The following CFLAR variants were observed in gnomAD, a reference collection of about 807,000 sequenced individuals.
CFLAR encodes CASP8 and FADD-like apoptosis regulator.
A neutral mutation model predicts 51.1 loss-of-function variants in CFLAR; 14 were observed. The ratio of observed to expected loss-of-function variants is 0.27; its 90% CI spans 0.18 to 0.43. The LOEUF (loss-of-function observed/expected upper bound fraction) is 0.43, where lower values mean the gene tolerates loss of function less well. Among genes scored for constraint, CFLAR ranks in the 20% least tolerant of loss-of-function variants. The pLI is 1.00. For synonymous variants in CFLAR, 210 were observed against 211.6 expected, an observed-to-expected ratio of 0.99 and a Z score of 0.06; for missense variants, 390 against 566.5, an observed-to-expected ratio of 0.69 and a Z score of 3.16.
intron 1 of CFLAR, among the ~76,000 whole-genome samples, chr2:201,127,776 T>G (rs1403630092): frequency 6.6e-6 from 1 of 152,184 alleles, no homozygotes; most frequent in Non-Finnish European, 1.5e-5. Flanking sequence ...TACCACTGAG[T>G]AATCTAGATT....
At position 201,144,882 on chromosome 2, in the gene CFLAR, C is replaced by T. The variant is rs534682610; in HGVS notation, c.607-496C>T. 2.6e-5 allele frequency among the ~76,000 whole-genome samples: 4 copies of T among 151,950 alleles called. No homozygotes were observed. In the South Asian group the frequency reaches 8.3e-4, roughly 32 times the overall value. On this transcript the variant is annotated intron_variant, in intron 5 of 9. Coordinates refer to ENST00000309955, the MANE Select transcript of CFLAR (RefSeq NM_003879.7). ...ATTTTTGTGACAGAGTTTCACTTTT[C>T]ACTCTTGTCGCCCAGGCTGGAGTGC... is the stretch of plus-strand genomic sequence containing the variant.
At chr2:201,129,680 C>T (rs2049053736) in intron 1 of CFLAR, 49 bp from the exon 2 acceptor site, 1 of 578,594 alleles carries the variant, frequency 1.7e-6, no homozygotes, top group South Asian at 2.5e-5. Context: ...CAATCTTAGG[C>T]ATAAGTTAGC....
At chr2:201,154,112 A>G (rs1941759104) in intron 8 of CFLAR, 1 of 296,842 alleles carries the variant, frequency 3.4e-6, no homozygotes, top group South Asian at 2.6e-5. Context: ...TATTTTTAAG[A>G]CGGAGTTTCC....
At chr2:201,159,714 T>A (rs1575941102) in intron 8 of CFLAR, among the ~76,000 whole-genome samples, 1 of 152,368 alleles carries the variant, frequency 6.6e-6, no homozygotes, top group South Asian at 2.1e-4. Context: ...TGGTGAATTA[T>A]TTACCTAAAA....
intron 6 of CFLAR, among the ~76,000 whole-genome samples, chr2:201,147,065 A>C (rs1940333103): frequency 6.6e-6 from 1 of 152,240 alleles, no homozygotes; most frequent in South Asian, 2.1e-4. Flanking sequence ...GTAGATTTGC[A>C]TAGGAATTAA....
chr2:201,160,943 G>A lies in CFLAR; in HGVS notation c.1304+1G>A. ...TCTCCCAGAAACTGAGACAAGAAAG[G>A]TGAGCCCCCAGGAGGTGGTCAGTTC... On this transcript the variant is annotated splice_donor_variant, in intron 9 of 9. Coordinates refer to ENST00000309955, the MANE Select transcript of CFLAR (RefSeq NM_003879.7). LOFTEE classifies it high-confidence loss of function. 6.2e-7 allele frequency: 1 copy of A among 1,610,228 alleles called. No homozygotes were observed. The highest frequency in any genetic ancestry group is 8.5e-7 in the Non-Finnish European group (1 of 1,176,912).
Position 201,130,106 on chromosome 2 carries a change from A to T in CFLAR, c.241A>T (p.Thr81Ser). The T allele has an allele frequency of 1.5e-6, 2 of 1,331,190 alleles. No homozygotes were observed. The highest frequency in any genetic ancestry group is 2.0e-6 in the Non-Finnish European group (2 of 1,010,000). 82.5% of individuals were successfully genotyped at this position (1,331,190 alleles called of 1,614,324 possible). A position where few individuals can be genotyped will look rare whatever the true frequency, so the allele number is the denominator to read the frequency against. The change falls in exon 2 of 10, where the codon ACC becomes TCC. Residue 81 changes from threonine (T) to serine (S), a missense_variant. Physicochemically the swap from Thr to Ser is moderately conservative, Grantham distance 58. This residue lies in a region of CFLAR where 103 missense variants were observed against 202.9 expected (regional missense o/e 0.51). Transcript: ENST00000309955. ...GAAGATGGACAGAAAAGCTGTGGAG[A>T]CCCACCTGCTCAGGAACCCTCACCT... Reference protein sequence around the residue: ...ILKMDRKAVETHLLRNPHLVS... With the variant: ...ILKMDRKAVESHLLRNPHLVS...
In CFLAR at chr2:201,149,754, A is replaced by G; in HGVS notation, c.712A>G (p.Ser238Gly). The change falls in exon 8 of 10, where the codon AGC becomes GGC. Residue 238 changes from serine to glycine, a missense_variant and splice_region_variant. This residue lies in a region of CFLAR where 287 missense variants were observed against 363.6 expected (regional missense o/e 0.79). Transcript: ENST00000309955. ...TAGCATTTCTTGTCTTCCTTTCCAG[A>G]GCATACCTGAAGAGAGATACAAGAT... is the stretch of plus-strand genomic sequence containing the variant. The part of the protein sequence containing the change: ...IQESEAFLPQ[S>G]IPEERYKMKS... 6.2e-7 allele frequency: 1 copy of G among 1,611,252 alleles called. No homozygotes were observed. The highest frequency in any genetic ancestry group is 8.5e-7 in the Non-Finnish European group (1 of 1,177,514).
chr2:201,147,882 T>TA (rs761448771), intron 6 of CFLAR: 1 of 152,014 alleles, frequency 6.6e-6, no homozygotes, highest in Non-Finnish European at 1.5e-5. Context: ...AATAAATAAA[T>TA]AATAATAATC....
rs1001919812 is a variant in CFLAR, at chr2:201,166,977, G to A, written c.*3004G>A. 4.7e-4 allele frequency: 72 copies of A among 152,092 alleles called. No homozygotes were observed. Among genetic ancestry groups the A allele is most frequent in the African/African-American group, 1.6e-3 (67 of 41,480 alleles). 9.4% of individuals were successfully genotyped at this position (152,092 alleles called of 1,614,324 possible). A position where few individuals can be genotyped will look rare whatever the true frequency, so the allele number is the denominator to read the frequency against. ...GGGGAGAGGGAGAAGAGAGGGAGGG[G>A]GAGAGGGCTATTTTTAAAATTTTTT... On this transcript the variant is annotated 3_prime_UTR_variant, in exon 10 of 10. Coordinates refer to ENST00000309955, the MANE Select transcript of CFLAR (RefSeq NM_003879.7).
In CFLAR at chr2:201,138,086, T is replaced by G; in HGVS notation, c.523+1979T>G. The G allele has an allele frequency of 2.7e-6, 2 of 741,680 alleles. No homozygotes were observed. The highest frequency in any genetic ancestry group is 3.6e-5 in the Admixed American group (2 of 56,140). The allele number at this position is 741,680 out of a possible 1,614,324, so 45.9% of individuals were successfully genotyped here. ...GGTTGATGTAGATGGAGCCGCGCAG[T>G]CCATGCCCCTGCCCAGCCCATCCAC... On this transcript the variant is annotated intron_variant, in intron 4 of 9. Transcript: ENST00000309955. This position sits in a 1 kb window ranked among gnomAD's most constrained non-coding sequence, Gnocchi z 4.0.
chr2:201,147,632 G>A (rs1940471251), intron 6 of CFLAR: 1 of 152,202 alleles, frequency 6.6e-6, no homozygotes, highest in Admixed American at 6.6e-5. Context: ...CACTTTGGGA[G>A]GCCGAGACAG....
At chr2:201,159,812 C>T (rs1401575251) in intron 8 of CFLAR, among the ~76,000 whole-genome samples, 1 of 152,158 alleles carries the variant, frequency 6.6e-6, no homozygotes, top group Non-Finnish European at 1.5e-5. Context: ...TAATTATATC[C>T]TCACCTGTGG....
In CFLAR at chr2:201,166,497, G is replaced by A. The variant is rs1018149700; in HGVS notation, c.*2524G>A. On this transcript the variant is annotated 3_prime_UTR_variant, in exon 10 of 10. Transcript: ENST00000309955. The stretch of plus-strand genomic sequence containing the variant: ...ATCCCAGACGGGGGGGCGGGGCAGA[G>A]GCGCTCCCCACATCTCAGACGATGG... The A allele has an allele frequency of 1.7e-5, 3 of 179,106 alleles. No individual in the cohort carries two copies. The highest frequency in any genetic ancestry group is 2.4e-5 in the Non-Finnish European group (2 of 84,212). 11.1% of individuals were successfully genotyped at this position (179,106 alleles called of 1,614,324 possible). A position where few individuals can be genotyped will look rare whatever the true frequency, so the allele number is the denominator to read the frequency against.
Position 201,133,104 on chromosome 2 carries a change from C to T in CFLAR, c.357C>T (p.Tyr119=). Residue 119 remains tyrosine, a synonymous_variant, in exon 3 of 10, where the codon TAC becomes TAT. Transcript: ENST00000309955. The part of the protein sequence containing the change: ...VSSLIFLMKD[Y]MGRGKISKEK... Reference sequence around the variant, plus strand: ...CATTAATTTTCCTCATGAAGGATTACATGGGCCGAGGCAAGATAAGCAAGG... The same window carrying T: ...CATTAATTTTCCTCATGAAGGATTATATGGGCCGAGGCAAGATAAGCAAGG... The T allele has an allele frequency of 1.2e-6, 2 of 1,613,276 alleles. No homozygotes were observed. The highest frequency in any genetic ancestry group is 1.7e-6 in the Non-Finnish European group (2 of 1,179,214).
Position 201,138,456 on chromosome 2 carries a change from C to T in CFLAR, c.524-1901C>T, listed in dbSNP as rs924066885. ...GGCAGCTTCCTTTCTTACTAAGCTGCAGGATCTCATTTGCCTCTTTCAACC... is the reference window on the plus strand; with the variant it reads ...GGCAGCTTCCTTTCTTACTAAGCTGTAGGATCTCATTTGCCTCTTTCAACC... On this transcript the variant is annotated intron_variant, in intron 4 of 9. Transcript: ENST00000309955. This position sits in a 1 kb window ranked among gnomAD's most constrained non-coding sequence, Gnocchi z 4.0. The T allele has an allele frequency of 1.1e-6, 1 of 880,742 alleles. No homozygotes were observed. 54.6% of individuals were successfully genotyped at this position (880,742 alleles called of 1,614,324 possible). A position where few individuals can be genotyped will look rare whatever the true frequency, so the allele number is the denominator to read the frequency against.
chr2:201,160,653 A>C lies in CFLAR; in HGVS notation c.1015A>C (p.Met339Leu). 1.9e-6 allele frequency: 3 copies of C among 1,614,086 alleles called. No homozygotes were observed. Among genetic ancestry groups the C allele is most frequent in the Non-Finnish European group, 1.7e-6 (2 of 1,180,016 alleles). ...GCTCCCCCTGCATCACATCAGGAGGATGTTCATGGGAGATTCATGCCCTTA... is the reference window on the plus strand; with the variant it reads ...GCTCCCCCTGCATCACATCAGGAGGCTGTTCATGGGAGATTCATGCCCTTA... Reference protein sequence around the residue: ...SGLPLHHIRRMFMGDSCPYLA... With the variant: ...SGLPLHHIRRLFMGDSCPYLA... The change falls in exon 9 of 10, where the codon ATG becomes CTG. Residue 339 changes from methionine to leucine, a missense_variant. This residue lies in a region of CFLAR where 287 missense variants were observed against 363.6 expected (regional missense o/e 0.79). Transcript: ENST00000309955.
chr2:201,140,417 A>G lies in CFLAR; in HGVS notation c.584A>G (p.Lys195Arg). 6 of 1,607,732 alleles carry G rather than the reference A, an allele frequency of 3.7e-6. No individual in the cohort carries two copies. The highest frequency in any genetic ancestry group is 5.1e-6 in the Non-Finnish European group (6 of 1,178,458). The change falls in exon 5 of 10, where the codon AAG becomes AGG. Residue 195 changes from lysine to arginine, a missense_variant. By Grantham distance (26) the Lys-to-Arg change is conservative. Around this residue, in one of 2 missense-constraint regions of CFLAR, gnomAD observed 287 missense variants for 363.6 expected, o/e 0.79. Transcript: ENST00000309955. ...CAAGCAGCAATCCAAAAGAGTCTCA[A>G]GGATCCTTCAAATAACTTCAGGGTG... ...VLQAAIQKSLKDPSNNFRLHN... is the reference protein window; with the variant it reads ...VLQAAIQKSLRDPSNNFRLHN...
At chr2:201,129,652 G>C (rs1387221969) in intron 1 of CFLAR, 77 bp from the exon 2 acceptor site, 1 of 533,552 alleles carries the variant, frequency 1.9e-6, no homozygotes, top group Non-Finnish European at 3.3e-6. Flanking sequence ...CCACCCAGAA[G>C]GAAAGAGCCC....
Sources: allele counts gnomAD v4.1 joint callset (sites outside exome capture counted in the v4.1 genomes callset), GRCh38; gene constraint gnomAD v4.1.1; regional missense constraint gnomAD v4.1.1; non-coding constraint Gnocchi (gnomAD v3.1); transcripts MANE v1.5; gene names NCBI Gene and HGNC (gene_info 2026-07-23, HGNC 2026-07-21).